NKAIN2: variants seen among roughly 807,000 people sequenced by gnomAD.
NKAIN2 encodes the protein sodium/potassium-transporting ATPase subunit beta-1-interacting protein 2.
NKAIN2 carries 14 observed loss-of-function variants against 32.6 expected under a neutral mutation model. That is an observed-to-expected ratio of 0.43 (90% CI 0.28 to 0.67). The LOEUF is 0.67. Ranked by LOEUF, NKAIN2 falls within the 30% of genes least tolerant of loss-of-function variation. The pLI is 0.17. For missense variants in NKAIN2, 198 were observed against 258.3 expected, an observed-to-expected ratio of 0.77 and a Z score of 1.60; for synonymous variants, 80 against 87.2, an observed-to-expected ratio of 0.92 and a Z score of 0.46.
At chr6:124,242,084 A>G (rs185888481) in intron 1 of NKAIN2, among the ~76,000 whole-genome samples, 1 of 152,352 alleles carries the variant, frequency 6.6e-6, no homozygotes, top group African/African-American at 2.4e-5. Flanking sequence ...GCACAGCAAA[A>G]GAAACTATCA....
chr6:124,345,098 G>A (rs948340294), intron 2 of NKAIN2, among the ~76,000 whole-genome samples: 1 of 151,976 alleles, frequency 6.6e-6, no homozygotes, highest in Non-Finnish European at 1.5e-5. Flanking sequence ...AATCATGTGG[G>A]TTTTGTCTTT....
At chr6:124,687,467 C>G in intron 4 of NKAIN2, among the ~76,000 whole-genome samples, 1 of 106,904 alleles carries the variant, frequency 9.4e-6, no homozygotes, top group Non-Finnish European at 2.1e-5. Context: ...CATATATACA[C>G]ATACATGGAA....
chr6:124,180,344 A>G (rs907668772), intron 1 of NKAIN2, among the ~76,000 whole-genome samples: 5 of 152,152 alleles, frequency 3.3e-5, no homozygotes, highest in African/African-American at 1.2e-4. Flanking sequence ...ATGGCAGCAG[A>G]CAAGAGAGTG....
At chr6:124,377,419 A>AT (rs1436326926) in intron 3 of NKAIN2, among the ~76,000 whole-genome samples, 1 of 152,188 alleles carries the variant, frequency 6.6e-6, no homozygotes, top group Non-Finnish European at 1.5e-5. Flanking sequence ...CATAATTGCA[A>AT]TGGTGTGTGA....
At chr6:124,675,789 T>C (rs902896173) in intron 4 of NKAIN2, among the ~76,000 whole-genome samples, 3 of 151,832 alleles carry the variant, frequency 2.0e-5, no homozygotes, top group Admixed American at 6.6e-5. Flanking sequence ...AAAACAGTTG[T>C]TAGTTTTTTT....
chr6:124,643,263 C>T (rs959006594), intron 3 of NKAIN2, among the ~76,000 whole-genome samples: 2 of 152,178 alleles, frequency 1.3e-5, no homozygotes, highest in Non-Finnish European at 2.9e-5. Flanking sequence ...CTATTCTATA[C>T]TACTACTAAC....
intron 3 of NKAIN2, among the ~76,000 whole-genome samples, chr6:124,474,052 G>A (rs1030661474): frequency 6.6e-6 from 1 of 151,994 alleles, no homozygotes; most frequent in African/African-American, 2.4e-5. Flanking sequence ...CATATCAGTG[G>A]AAGCCAAAGC....
chr6:124,259,019 C>T (rs551931588), intron 1 of NKAIN2, among the ~76,000 whole-genome samples: 1 of 152,102 alleles, frequency 6.6e-6, no homozygotes, highest in South Asian at 2.1e-4. Flanking sequence ...CTCATCCAAG[C>T]TGGGTTTCCT....
intron 4 of NKAIN2, among the ~76,000 whole-genome samples, chr6:124,685,064 T>G (rs1353745501): frequency 5.3e-5 from 8 of 152,204 alleles, no homozygotes; most frequent in Non-Finnish European, 1.0e-4. Flanking sequence ...AATACATTCA[T>G]ACTACTATTT....
At chr6:123,895,166 TTC>T (rs1402787929) in intron 1 of NKAIN2, among the ~76,000 whole-genome samples, 1 of 149,062 alleles carries the variant, frequency 6.7e-6, no homozygotes, top group African/African-American at 2.6e-5. Flanking sequence ...AGTTCTCTCT[TTC>T]TTTCTGTCTC....
chr6:124,811,054 T>C (rs1256002786), intron 5 of NKAIN2, among the ~76,000 whole-genome samples: 1 of 152,148 alleles, frequency 6.6e-6, no homozygotes, highest in East Asian at 1.9e-4. Flanking sequence ...TCAATTTGGC[T>C]TATGGTTGGG....
intron 4 of NKAIN2, among the ~76,000 whole-genome samples, chr6:124,762,887 G>A (rs1778337354): frequency 1.3e-5 from 2 of 152,180 alleles, no homozygotes; most frequent in African/African-American, 4.8e-5. Context: ...GAAAAGGTAA[G>A]TAGAACTTCA....
intron 1 of NKAIN2, among the ~76,000 whole-genome samples, chr6:123,833,691 C>CTGTGTGTGTG (rs59906355): frequency 0.03 from 3,841 of 129,486 alleles, 73 homozygotes; most frequent in African/African-American, 0.053. Flanking sequence ...ATTTTTTTTC[C>CTGTGTGTGTG]TGTGTGTGTG....
chr6:124,044,322 C>T (rs922028091), intron 1 of NKAIN2, among the ~76,000 whole-genome samples: 5 of 152,018 alleles, frequency 3.3e-5, no homozygotes, highest in South Asian at 2.1e-4. Flanking sequence ...GTAAAATCCT[C>T]CATATATAAA....
chr6:124,791,648 C>T (rs368928347), intron 5 of NKAIN2, among the ~76,000 whole-genome samples: 1 of 152,096 alleles, frequency 6.6e-6, no homozygotes, highest in Non-Finnish European at 1.5e-5. Context: ...ATCATTTCCT[C>T]TTATAAACAA....
At chr6:123,879,121 T>G (rs912161385) in intron 1 of NKAIN2, among the ~76,000 whole-genome samples, 1 of 152,214 alleles carries the variant, frequency 6.6e-6, no homozygotes, top group Non-Finnish European at 1.5e-5. Context: ...TTCTCATGAT[T>G]GTATTCCTTT....
chr6:124,051,456 G>A (rs929358753), intron 1 of NKAIN2, among the ~76,000 whole-genome samples: 2 of 151,780 alleles, frequency 1.3e-5, no homozygotes, highest in African/African-American at 4.8e-5. Flanking sequence ...TTAAGTTTTA[G>A]GGTACATGTA....
chr6:124,167,347 G>C (rs1420266352), intron 1 of NKAIN2, among the ~76,000 whole-genome samples: 1 of 151,548 alleles, frequency 6.6e-6, no homozygotes, highest in Non-Finnish European at 1.5e-5. Flanking sequence ...AAGAATGCTT[G>C]TGATTTTTGT....
At chr6:124,605,537 T>C (rs898259311) in intron 3 of NKAIN2, among the ~76,000 whole-genome samples, 1 of 152,146 alleles carries the variant, frequency 6.6e-6, no homozygotes, top group Non-Finnish European at 1.5e-5. Flanking sequence ...AAAAGACCGA[T>C]GTTGGTTGCC....
Sources: gnomAD v4.1 joint callset for allele counts (sites outside exome capture counted in the v4.1 genomes callset) on GRCh38, gnomAD v4.1.1 for gene constraint, MANE v1.5 for transcripts, NCBI Gene and HGNC (gene_info 2026-07-23, HGNC 2026-07-21) for gene names.